PARD3B: variants seen among roughly 807,000 people sequenced by gnomAD.
PARD3B encodes partitioning defective 3 homolog B.
A neutral mutation model predicts 130.2 loss-of-function variants in PARD3B; 103 were observed. The ratio of observed to expected loss-of-function variants is 0.79; its 90% confidence interval spans 0.67 to 0.93. The LOEUF (loss-of-function observed/expected upper bound fraction) is 0.93. Ranked by LOEUF, PARD3B falls within the 40% of genes least tolerant of loss-of-function variation. PARD3B has a pLI of 0.00. For missense variants in PARD3B, 1,609 were observed against 1,499.2 expected (o/e 1.07, Z -1.21); for synonymous variants, 583 against 553.2 (o/e 1.05, Z -0.76).
At chr2:204,730,197 C>G (rs967375020) in intron 2 of PARD3B, among the ~76,000 whole-genome samples, 2 of 152,090 alleles carry the variant, frequency 1.3e-5, no homozygotes, top group African/African-American at 4.8e-5. Flanking sequence ...GCATCAGCCT[C>G]CCGAGTAGCT....
At chr2:205,106,260 G>A (rs1271596864) in intron 5 of PARD3B, among the ~76,000 whole-genome samples, 1 of 152,022 alleles carries the variant, frequency 6.6e-6, no homozygotes, top group African/African-American at 2.4e-5. Context: ...TGATTCTCCT[G>A]CCTCAGCCTC....
At chr2:205,156,362 T>C (rs922616496) in intron 10 of PARD3B, among the ~76,000 whole-genome samples, 11 of 151,594 alleles carry the variant, frequency 7.3e-5, no homozygotes, top group South Asian at 6.3e-4. Flanking sequence ...TGTATACATA[T>C]GTAACTAACC....
intron 10 of PARD3B, among the ~76,000 whole-genome samples, chr2:205,149,031 A>G (rs541302747): frequency 3.5e-4 from 53 of 152,268 alleles, no homozygotes; most frequent in African/African-American, 1.2e-3. Context: ...GGTTATTACC[A>G]CTTGCATGCG....
chr2:205,045,200 C>T (rs535115425), intron 3 of PARD3B, among the ~76,000 whole-genome samples: 1 of 149,876 alleles, frequency 6.7e-6, no homozygotes, highest in East Asian at 2.0e-4. Context: ...AATACTATGG[C>T]ATATTGATTG....
chr2:205,595,306 A>G (rs779852362), intron 22 of PARD3B, among the ~76,000 whole-genome samples: 2 of 152,230 alleles, frequency 1.3e-5, no homozygotes, highest in Non-Finnish European at 2.9e-5. Context: ...CCTCAGGTCC[A>G]TAAAGCAAAG....
At chr2:204,905,373 C>T (rs904418887) in intron 2 of PARD3B, among the ~76,000 whole-genome samples, 2 of 152,076 alleles carry the variant, frequency 1.3e-5, no homozygotes, top group African/African-American at 4.8e-5. Context: ...TCAGACCACC[C>T]CTTCCCTGGT....
chr2:205,113,202 T>G (rs542649808), intron 5 of PARD3B, among the ~76,000 whole-genome samples: 1 of 152,180 alleles, frequency 6.6e-6, no homozygotes, highest in African/African-American at 2.4e-5. Flanking sequence ...AATATGTTGA[T>G]TTATGCAGAT....
chr2:205,085,119 G>T (rs761027283), intron 4 of PARD3B, among the ~76,000 whole-genome samples: 5 of 152,104 alleles, frequency 3.3e-5, no homozygotes, highest in Admixed American at 6.5e-5. Flanking sequence ...ATATTAGGAG[G>T]CTACGTTGTT....
At chr2:204,643,152 A>C (rs112850009) in intron 1 of PARD3B, among the ~76,000 whole-genome samples, 394 of 140,570 alleles carry the variant, frequency 2.8e-3, no homozygotes, top group African/African-American at 0.01. Context: ...GGCACCTCCC[A>C]CTTTGCTGTC....
At position 205,047,902 on chromosome 2, in the gene PARD3B, A is replaced by C. The variant is rs1698915136; in HGVS notation, c.504+212A>C. The C allele has an allele frequency of 7.7e-6, 3 of 389,196 alleles. No individual in the cohort carries two copies. The East Asian group carries it at 1.2e-4, about 15-fold the overall frequency. 24.1% of individuals were successfully genotyped at this position (389,196 alleles called of 1,614,324 possible). A position where few individuals can be genotyped will look rare whatever the true frequency, so the allele number is the denominator to read the frequency against. On this transcript the variant is annotated intron_variant, in intron 4 of 22. Transcript: ENST00000406610. ...CGTATATGGCACTGATTATGTGCCA[A>C]GTACTATTTTACCTGTTTTATATTA...
At chr2:205,111,418 T>C (rs1196509341) in intron 5 of PARD3B, among the ~76,000 whole-genome samples, 1 of 152,080 alleles carries the variant, frequency 6.6e-6, no homozygotes, top group East Asian at 1.9e-4. Flanking sequence ...TTTTTAAGTA[T>C]TCTTTTTTAA....
At position 205,572,214 on chromosome 2, in the gene PARD3B, AGAGAGTAGAAGAATGACAAAT is replaced by A. The variant is rs540080612; in HGVS notation, c.3260+18812_3260+18832del. ...ATTTTCAGTCTCTGGTACCTTGGGA[AGAGAGTAGAAGAATGACAAAT>A]TATAGATTATTTCAGTCAAGTAGAA... On this transcript the variant is annotated intron_variant, in intron 22 of 22. Coordinates refer to ENST00000406610, the MANE Select transcript of PARD3B (RefSeq NM_001302769.2). The surrounding 1 kb of genome is among the most constrained non-coding windows in gnomAD (Gnocchi z 4.2). 1.2e-3 allele frequency among the ~76,000 whole-genome samples: 183 copies of A among 152,330 alleles called. No individual in the cohort carries two copies. The highest frequency in any genetic ancestry group is 4.2e-3 in the African/African-American group (174 of 41,568).
intron 18 of PARD3B, among the ~76,000 whole-genome samples, chr2:205,380,771 A>ATATACT (rs1450114119): frequency 6.9e-5 from 7 of 101,272 alleles, no homozygotes; most frequent in African/African-American, 2.7e-4. Flanking sequence ...GAATATATAT[A>ATATACT]ATATATAAAG....
chr2:204,603,876 C>T (rs989603908), intron 1 of PARD3B, among the ~76,000 whole-genome samples: 1 of 152,132 alleles, frequency 6.6e-6, no homozygotes, highest in Non-Finnish European at 1.5e-5. Context: ...TACACCTTTC[C>T]AGGATAATCC....
At chr2:204,609,665 G>A (rs1276463808) in intron 1 of PARD3B, among the ~76,000 whole-genome samples, 1 of 152,050 alleles carries the variant, frequency 6.6e-6, no homozygotes, top group Non-Finnish European at 1.5e-5. Flanking sequence ...TAAGATAAGG[G>A]GAGTTATATA....
chr2:205,363,653 T>TTTTGC (rs1485536985), intron 18 of PARD3B, among the ~76,000 whole-genome samples: 2 of 151,514 alleles, frequency 1.3e-5, no homozygotes, highest in Non-Finnish European at 2.9e-5. Flanking sequence ...GAGCCTCTGT[T>TTTTGC]TTTGTTTTGT....
rs368825315 is a variant in PARD3B at position 204,686,299 on chromosome 2, A to C, written c.222+17A>C. On this transcript the variant is annotated intron_variant, in intron 2 of 22. Coordinates refer to ENST00000406610, the MANE Select transcript of PARD3B (RefSeq NM_001302769.2). The stretch of plus-strand genomic sequence containing the variant: ...AAAGACAAGGTAGATAACTCTAAAA[A>C]TGTGCCTCTTTGTTTTCCTCTACAG... The C allele has an allele frequency of 3.0e-4, 476 of 1,564,032 alleles. No homozygotes were observed. The highest frequency in any genetic ancestry group is 4.1e-4 in the Non-Finnish European group (461 of 1,134,988).
chr2:205,515,558 C>T (rs1448340671), intron 21 of PARD3B, among the ~76,000 whole-genome samples: 5 of 151,362 alleles, frequency 3.3e-5, no homozygotes, highest in East Asian at 1.9e-4. Context: ...GAGATGGTAT[C>T]GCGATATTGA....
At chr2:205,459,272 C>T (rs2048371311) in intron 20 of PARD3B, among the ~76,000 whole-genome samples, 1 of 152,134 alleles carries the variant, frequency 6.6e-6, no homozygotes, top group South Asian at 2.1e-4. Context: ...CTTGGGAGTT[C>T]TCCAATGCCT....
Sources: gnomAD v4.1 joint callset for allele counts (sites outside exome capture counted in the v4.1 genomes callset) on GRCh38, gnomAD v4.1.1 for gene constraint, Gnocchi (gnomAD v3.1) non-coding constraint, MANE v1.5 for transcripts, NCBI Gene and HGNC (gene_info 2026-07-23, HGNC 2026-07-21) for gene names.